Variants in BCR observed in about 807,000 individuals in gnomAD.
The protein encoded by BCR is breakpoint cluster region protein.
Under a neutral mutation model 138.6 loss-of-function variants are expected in BCR, and 58 were observed. That is an observed-to-expected ratio of 0.42 (90% CI 0.34 to 0.52). BCR has a LOEUF of 0.52. BCR is among the 20% of genes least tolerant of loss of function. BCR has a pLI of 0.06. For synonymous variants in BCR, 786 were observed against 730.1 expected (o/e 1.08, Z -1.23); for missense variants, 1,599 against 1,727.2 (o/e 0.93, Z 1.32).
intron 1 of BCR, among the ~76,000 whole-genome samples, chr22:23,201,438 C>T (rs1431264802): frequency 6.7e-6 from 1 of 149,926 alleles, no homozygotes; most frequent in African/African-American, 2.5e-5. Flanking sequence ...TTGCTTTTCT[C>T]TTCTCAGTGA....
At chr22:23,259,666 G>A (rs1048260426) in intron 2 of BCR, among the ~76,000 whole-genome samples, 5 of 151,982 alleles carry the variant, frequency 3.3e-5, no homozygotes, top group African/African-American at 1.2e-4. Context: ...ATAGGTGCCC[G>A]CCACCACACC....
intron 16 of BCR, among the ~76,000 whole-genome samples, chr22:23,297,207 G>GTTTTGTTT (rs2073854485): frequency 3.1e-5 from 3 of 97,382 alleles, no homozygotes; most frequent in African/African-American, 1.5e-4. Context: ...TGGCTAAGTT[G>GTTTTGTTT]TTTTTTGTTT....
Position 23,292,612 on chromosome 22 carries a change from G to A in BCR, c.2854G>A (p.Asp952Asn), listed in dbSNP as rs753282531. Residue 952 changes from aspartate to asparagine, a missense_variant, in exon 15 of 23, where the codon GAC becomes AAC. This residue lies in a region of BCR where 590 missense variants were observed against 762.4 expected (regional missense o/e 0.77). Transcript: ENST00000305877. ...VNKAKTRVYR[D>N]TAEPNWNEEF... ...TAAAGCAAAGACGCGCGTCTACAGG[G>A]ACACAGCTGAGCCAAACTGGAACGA... is the stretch of plus-strand genomic sequence containing the variant. 4 of 1,612,842 alleles carry A rather than the reference G, an allele frequency of 2.5e-6. No individual in the cohort carries two copies. In the East Asian group the frequency reaches 6.7e-5, roughly 27 times the overall value.
intron 16 of BCR, chr22:23,302,411 G>A (rs991301994): frequency 3.9e-5 from 6 of 152,318 alleles, no homozygotes; most frequent in African/African-American, 1.2e-4. Flanking sequence ...GGGATGCTGC[G>A]GCTTCTCTAC....
intron 1 of BCR, among the ~76,000 whole-genome samples, chr22:23,189,405 G>A (rs985931041): frequency 6.6e-6 from 1 of 152,054 alleles, no homozygotes; most frequent in African/African-American, 2.4e-5. Context: ...TCGTGTAAGT[G>A]GAGTCTTATA....
At chr22:23,279,248 A>T (rs894681669) in intron 8 of BCR, among the ~76,000 whole-genome samples, 3 of 152,204 alleles carry the variant, frequency 2.0e-5, no homozygotes, top group African/African-American at 7.2e-5. Context: ...CTCTCAGGGC[A>T]TAGGAAACTT....
At chr22:23,201,609 C>T (rs185830584) in intron 1 of BCR, among the ~76,000 whole-genome samples, 1 of 152,328 alleles carries the variant, frequency 6.6e-6, no homozygotes, top group Non-Finnish European at 1.5e-5. Context: ...AGGCACCCAC[C>T]ACCATGCCCG....
intron 1 of BCR, among the ~76,000 whole-genome samples, chr22:23,227,626 C>T (rs1480746300): frequency 6.6e-6 from 1 of 152,218 alleles, no homozygotes; most frequent in Non-Finnish European, 1.5e-5. Flanking sequence ...GCCTTGATGG[C>T]CTCTAGGAGA....
intron 1 of BCR, among the ~76,000 whole-genome samples, chr22:23,192,402 G>T (rs923447148): frequency 6.6e-6 from 1 of 152,206 alleles, no homozygotes; most frequent in African/African-American, 2.4e-5. Flanking sequence ...CAGCAAACCG[G>T]TTTTGGGCAC....
chr22:23,279,875 G>GTGGTGGAGGC (rs2073623222), intron 8 of BCR, among the ~76,000 whole-genome samples: 1 of 152,220 alleles, frequency 6.6e-6, no homozygotes, highest in Admixed American at 6.5e-5. Flanking sequence ...ACCTCTCACA[G>GTGGTGGAGGC]TGGTGGAGGC....
intron 18 of BCR, among the ~76,000 whole-genome samples, chr22:23,310,687 C>T (rs1368320547): frequency 6.6e-6 from 1 of 152,226 alleles, no homozygotes; most frequent in Non-Finnish European, 1.5e-5. Context: ...TCTGCCCTTG[C>T]TTGGAATTTA....
intron 1 of BCR, among the ~76,000 whole-genome samples, chr22:23,196,919 G>C (rs1386558575): frequency 5.3e-5 from 8 of 152,316 alleles, no homozygotes; most frequent in Non-Finnish European, 5.9e-5. Flanking sequence ...CCAGTTCATG[G>C]CCCGGGGGTT....
chr22:23,209,255 G>A (rs1393911575), intron 1 of BCR, among the ~76,000 whole-genome samples: 2 of 151,896 alleles, frequency 1.3e-5, no homozygotes, highest in Admixed American at 1.3e-4. Flanking sequence ...AGCTACTTGG[G>A]AGGCTGAGGC....
At chr22:23,259,636 C>T (rs1235702398) in intron 2 of BCR, among the ~76,000 whole-genome samples, 1 of 151,976 alleles carries the variant, frequency 6.6e-6, no homozygotes, top group African/African-American at 2.4e-5. Context: ...CCTGCCTCTG[C>T]CTCCCAAGTA....
chr22:23,314,863 G>A (rs2074050871), intron 22 of BCR, 149 bp downstream of exon 22: 12 of 1,095,998 alleles, frequency 1.1e-5, no homozygotes, highest in Non-Finnish European at 1.6e-5. Flanking sequence ...GGTCTGCATG[G>A]ATGGGAGTGA....
intron 4 of BCR, chr22:23,263,399 T>C (rs2073396145): frequency 1.6e-6 from 2 of 1,249,458 alleles, no homozygotes; most frequent in Non-Finnish European, 1.2e-6. Context: ...TGATGACCAG[T>C]GTCCCAGTGA....
At chr22:23,310,717 T>C (rs2073997691) in intron 18 of BCR, among the ~76,000 whole-genome samples, 1 of 152,200 alleles carries the variant, frequency 6.6e-6, no homozygotes, top group Non-Finnish European at 1.5e-5. Flanking sequence ...CAGATTCCTG[T>C]TGAATGGCCG....
chr22:23,195,967 A>G (rs1347264751), intron 1 of BCR, among the ~76,000 whole-genome samples: 1 of 152,264 alleles, frequency 6.6e-6, no homozygotes, highest in South Asian at 2.1e-4. Context: ...AAATAAAAAA[A>G]CATTGCCATC....
At chr22:23,297,213 T>G (rs892869317) in intron 16 of BCR, among the ~76,000 whole-genome samples, 3 of 116,360 alleles carry the variant, frequency 2.6e-5, no homozygotes, top group African/African-American at 1.0e-4. Flanking sequence ...AGTTGTTTTT[T>G]GTTTTTTGTT....
Sources: gnomAD v4.1 joint callset for allele counts (sites outside exome capture counted in the v4.1 genomes callset) on GRCh38, gnomAD v4.1.1 for gene constraint, gnomAD v4.1.1 regional missense constraint, MANE v1.5 for transcripts, NCBI Gene and HGNC (gene_info 2026-07-23, HGNC 2026-07-21) for gene names.